SLC9A9: variants seen among roughly 807,000 people sequenced by gnomAD.
The protein encoded by SLC9A9 is sodium/hydrogen exchanger 9.
Under a neutral mutation model 77.8 loss-of-function variants are expected in SLC9A9, and 62 were observed. The ratio of observed to expected loss-of-function variants is 0.80; its 90% CI spans 0.65 to 0.98. The LOEUF (loss-of-function observed/expected upper bound fraction) is 0.98. Ranked by LOEUF, SLC9A9 falls within the 50% of genes least tolerant of loss-of-function variation. The pLI is 0.00. For synonymous variants in SLC9A9, 320 were observed against 283.5 expected, an observed-to-expected ratio of 1.13 and a Z score of -1.29; for missense variants, 775 against 774.9, an observed-to-expected ratio of 1.00 and a Z score of 0.00.
chr3:143,808,212 CAT>C (rs2008775284), intron 2 of SLC9A9, among the ~76,000 whole-genome samples: 1 of 152,194 alleles, frequency 6.6e-6, no homozygotes, highest in Non-Finnish European at 1.5e-5. Context: ...ACATATTCCA[CAT>C]GTCTAGAAAA....
At chr3:143,358,330 C>T (rs900943367) in intron 14 of SLC9A9, among the ~76,000 whole-genome samples, 39 of 152,300 alleles carry the variant, frequency 2.6e-4, no homozygotes, top group African/African-American at 7.7e-4. Flanking sequence ...TCTCCATCCA[C>T]GTGGCTTTAT....
intron 9 of SLC9A9, among the ~76,000 whole-genome samples, chr3:143,508,128 G>A (rs1442691019): frequency 1.3e-5 from 2 of 152,090 alleles, no homozygotes; most frequent in African/African-American, 4.8e-5. Context: ...CAAAATCCTA[G>A]CCATTGCCAG....
chr3:143,602,062 A>G (rs1351590441), intron 6 of SLC9A9, among the ~76,000 whole-genome samples: 3 of 152,046 alleles, frequency 2.0e-5, no homozygotes, highest in African/African-American at 7.2e-5. Context: ...ATTCTTAGCC[A>G]ATGTCTTTCT....
chr3:143,712,933 G>T lies in SLC9A9; in HGVS notation c.534-19626C>A, dbSNP rs186757781. ...ATCTTGGGAATTTATGGGTGGTTTT[G>T]TCTCAGGTGTGTATCAAAGTGACCA... is the stretch of plus-strand genomic sequence containing the variant. On this transcript the variant is annotated intron_variant, in intron 4 of 15. Coordinates refer to ENST00000316549, the MANE Select transcript of SLC9A9 (RefSeq NM_173653.4). 2.8e-3 allele frequency among the ~76,000 whole-genome samples: 423 copies of T among 152,180 alleles called. 5 individuals are homozygous for T. Among genetic ancestry groups the T allele is most frequent in the African/African-American group, 9.9e-3 (411 of 41,494 alleles).
chr3:143,436,000 C>A (rs1042041002), intron 12 of SLC9A9, among the ~76,000 whole-genome samples: 3 of 152,220 alleles, frequency 2.0e-5, no homozygotes, highest in South Asian at 2.1e-4. Flanking sequence ...CTTTACCCAG[C>A]TTTTCTATCT....
intron 4 of SLC9A9, among the ~76,000 whole-genome samples, chr3:143,774,041 A>G (rs2007615045): frequency 6.6e-6 from 1 of 152,250 alleles, no homozygotes; most frequent in African/African-American, 2.4e-5. Context: ...TTAACATCAA[A>G]TAAGGGGATA....
chr3:143,371,371 G>C (rs1292825441), intron 13 of SLC9A9, among the ~76,000 whole-genome samples: 1 of 152,114 alleles, frequency 6.6e-6, no homozygotes, highest in African/African-American at 2.4e-5. Context: ...TATCAAGGAA[G>C]GCAAGCATAG....
At position 143,701,531 on chromosome 3, in the gene SLC9A9, G is replaced by A. The variant is rs148110373; in HGVS notation, c.534-8224C>T. Among the ~76,000 whole-genome samples the A allele has an allele frequency of 3.1e-3, 478 of 152,128 alleles. 3 individuals are homozygous for A. Among genetic ancestry groups the A allele is most frequent in the African/African-American group, 9.2e-3 (381 of 41,472 alleles). ...CAATTGACACATGAAAGAATGCATCGGAGTCTTTCAACAGCAGAATTGATC... is the reference window on the plus strand; with the variant it reads ...CAATTGACACATGAAAGAATGCATCAGAGTCTTTCAACAGCAGAATTGATC... On this transcript the variant is annotated intron_variant, in intron 4 of 15. Transcript: ENST00000316549.
intron 12 of SLC9A9, among the ~76,000 whole-genome samples, chr3:143,429,867 G>C (rs1265657274): frequency 6.6e-6 from 1 of 152,192 alleles, no homozygotes; most frequent in African/African-American, 2.4e-5. Flanking sequence ...CTCTCACTTG[G>C]CCATATAGAC....
chr3:143,573,756 T>C (rs1239715175), intron 8 of SLC9A9, among the ~76,000 whole-genome samples: 1 of 152,132 alleles, frequency 6.6e-6, no homozygotes, highest in East Asian at 1.9e-4. Context: ...AAAGCAGTTG[T>C]GGGTATCCTT....
At chr3:143,417,191 C>T (rs184547189) in intron 12 of SLC9A9, among the ~76,000 whole-genome samples, 8 of 152,050 alleles carry the variant, frequency 5.3e-5, no homozygotes, top group East Asian at 1.9e-4. Flanking sequence ...GGAGAATGGG[C>T]GAGTCTTCTA....
At chr3:143,382,458 C>T (rs1294696079) in intron 12 of SLC9A9, among the ~76,000 whole-genome samples, 3 of 152,120 alleles carry the variant, frequency 2.0e-5, no homozygotes, top group Non-Finnish European at 2.9e-5. Context: ...GACCTGGTAC[C>T]TCTGCAACCA....
At chr3:143,648,873 C>G (rs564345152) in intron 6 of SLC9A9, among the ~76,000 whole-genome samples, 218 of 152,274 alleles carry the variant, frequency 1.4e-3, no homozygotes, top group African/African-American at 5.1e-3. Context: ...CCCGAAGAGA[C>G]AGCCCTGGGA....
At chr3:143,673,899 G>A (rs1340261845) in intron 5 of SLC9A9, among the ~76,000 whole-genome samples, 8 of 151,828 alleles carry the variant, frequency 5.3e-5, no homozygotes, top group African/African-American at 1.9e-4. Flanking sequence ...GAGATTTACC[G>A]TGGAAGTGGA....
intron 4 of SLC9A9, among the ~76,000 whole-genome samples, chr3:143,759,612 G>A (rs4839657): frequency 0.41 from 61,750 of 151,396 alleles, 14,388 homozygotes; most frequent in African/African-American, 0.65. Flanking sequence ...TCCTGTCACC[G>A]GATGCAATGA....
chr3:143,764,346 C>T (rs906167631), intron 4 of SLC9A9, among the ~76,000 whole-genome samples: 4 of 152,146 alleles, frequency 2.6e-5, no homozygotes, highest in South Asian at 2.1e-4. Flanking sequence ...TCAATGATAG[C>T]GTATCACTTT....
At chr3:143,835,193 C>T (rs2009538161) in intron 1 of SLC9A9, among the ~76,000 whole-genome samples, 1 of 152,232 alleles carries the variant, frequency 6.6e-6, no homozygotes, top group African/African-American at 2.4e-5. Flanking sequence ...CTCATGCTCA[C>T]TCCCCACATT....
chr3:143,712,126 A>C lies in SLC9A9; in HGVS notation c.534-18819T>G, dbSNP rs530893879. ...AGTCCCCATTTGATTTGAGTTGAGC[A>C]GGCTTTGAATTCAGTTGTAAGGCAG... On this transcript the variant is annotated intron_variant, in intron 4 of 15. Coordinates refer to ENST00000316549, the MANE Select transcript of SLC9A9 (RefSeq NM_173653.4). 2.8e-4 allele frequency among the ~76,000 whole-genome samples: 42 copies of C among 152,330 alleles called. 1 individual carries two copies. In the South Asian group the frequency reaches 8.3e-3, roughly 30 times the overall value.
At chr3:143,277,962 C>T (rs2108403412) in intron 14 of SLC9A9, among the ~76,000 whole-genome samples, 1 of 152,282 alleles carries the variant, frequency 6.6e-6, no homozygotes, top group African/African-American at 2.4e-5. Flanking sequence ...GCTAGCTACC[C>T]CAGAGCTCAC....
Sources: allele counts gnomAD v4.1 joint callset (sites outside exome capture counted in the v4.1 genomes callset), GRCh38; gene constraint gnomAD v4.1.1; transcripts MANE v1.5; gene names NCBI Gene and HGNC (gene_info 2026-07-23, HGNC 2026-07-21).